Variants in AGXT2 observed in about 807,000 individuals in gnomAD.
The protein encoded by AGXT2 is alanine--glyoxylate aminotransferase 2, mitochondrial.
In AGXT2, 61 loss-of-function variants were observed where a neutral mutation model predicts 62.5. That is an observed-to-expected ratio of 0.98 (90% confidence interval 0.79 to 1.21). AGXT2 has a LOEUF of 1.21. AGXT2 is among the 50% of genes most tolerant of loss of function. The pLI is 0.00. For synonymous variants in AGXT2, 243 were observed against 218.7 expected, an observed-to-expected ratio of 1.11 and a Z score of -0.98; for missense variants, 666 against 641.5, an observed-to-expected ratio of 1.04 and a Z score of -0.41.
chr5:35,025,434 T>A (rs1200720032), intron 9 of AGXT2, among the ~76,000 whole-genome samples: 1 of 152,168 alleles, frequency 6.6e-6, no homozygotes, highest in African/African-American at 2.4e-5. Context: ...AAATTTCCTA[T>A]GATGTTTGTC....
intron 12 of AGXT2, among the ~76,000 whole-genome samples, chr5:35,005,758 C>T (rs891699023): frequency 5.3e-5 from 8 of 152,104 alleles, no homozygotes; most frequent in African/African-American, 1.9e-4. Flanking sequence ...TGTGCCCCAA[C>T]TGCTTGATAA....
intron 7 of AGXT2, chr5:35,027,053 G>A (rs758900666): frequency 4.9e-5 from 48 of 975,732 alleles, no homozygotes; most frequent in South Asian, 1.4e-4. Flanking sequence ...TCCATCCATC[G>A]CAGCCCTTGG....
At chr5:35,008,548 C>A (rs1766514208) in intron 12 of AGXT2, among the ~76,000 whole-genome samples, 1 of 152,186 alleles carries the variant, frequency 6.6e-6, no homozygotes, top group Admixed American at 6.5e-5. Flanking sequence ...TACGTTATGA[C>A]TTGTGAGCTC....
intron 12 of AGXT2, 78 bp downstream of exon 12, chr5:35,009,922 T>C: frequency 4.4e-6 from 7 of 1,587,670 alleles, no homozygotes; most frequent in Non-Finnish European, 6.0e-6. Flanking sequence ...TGAGAGTAAA[T>C]GAAGTTTAGC....
At chr5:35,012,837 CTA>C in intron 11 of AGXT2, 115 bp downstream of exon 11, 2 of 968,364 alleles carry the variant, frequency 2.1e-6, no homozygotes, top group Non-Finnish European at 1.6e-6. Flanking sequence ...AATGGATAAA[CTA>C]TGAATTAACT....
In AGXT2 at chr5:35,009,963, C is replaced by T; in HGVS notation, c.1338+37G>A. ...TTTCCTCCTATATCTCCTGCTGGCT[C>T]CAAGCAGCTGAGAGAGAGGGGCAGA... On this transcript the variant is annotated intron_variant, in intron 12 of 13. Coordinates refer to ENST00000231420, the MANE Select transcript of AGXT2 (RefSeq NM_031900.4). 3 of 1,613,798 alleles carry T rather than the reference C, an allele frequency of 1.9e-6. No individual in the cohort carries two copies. The East Asian group carries it at 6.7e-5, about 36-fold the overall frequency.
In AGXT2 at chr5:34,998,899, C is replaced by T. The variant is rs116567467; in HGVS notation, c.1438-73G>A. The T allele has an allele frequency of 3.7e-3, 4,260 of 1,154,160 alleles. 19 individuals carry two copies. Among genetic ancestry groups the T allele is most frequent in the Middle Eastern group, 8.0e-3 (41 of 5,120 alleles). The allele number at this position is 1,154,160 out of a possible 1,614,324, so 71.5% of individuals were successfully genotyped here. On this transcript the variant is annotated intron_variant, in intron 13 of 13. Transcript: ENST00000231420. ...TATGACTTTGAGGAAATGCACTAAA[C>T]TAAAAATCCAAAACCTTGTGTTTAG... is the stretch of plus-strand genomic sequence containing the variant.
rs573561651 is a variant in AGXT2 at position 35,015,719 on chromosome 5, G to A, written c.964-1600C>T. Among the ~76,000 whole-genome samples, 8 of 151,338 alleles carry A rather than the reference G, an allele frequency of 5.3e-5. No homozygotes were observed. The East Asian group carries it at 7.8e-4, about 15-fold the overall frequency. The stretch of plus-strand genomic sequence containing the variant: ...ACAAAAATTGTCTGAGTGTGGTGGC[G>A]GGAGCCTGTAGTCCCAGCTACCTGG... On this transcript the variant is annotated intron_variant, in intron 9 of 13. Coordinates refer to ENST00000231420, the MANE Select transcript of AGXT2 (RefSeq NM_031900.4).
At chr5:35,035,124 A>G (rs1365151124) in intron 5 of AGXT2, 98 bp downstream of exon 5, 2 of 1,068,586 alleles carry the variant, frequency 1.9e-6, no homozygotes, top group Non-Finnish European at 1.5e-6. Flanking sequence ...TATCCCTGAG[A>G]AAACCTCTCT....
chr5:35,043,141 C>A (rs1351014533), intron 1 of AGXT2, among the ~76,000 whole-genome samples: 4 of 152,016 alleles, frequency 2.6e-5, no homozygotes, highest in Non-Finnish European at 5.9e-5. Context: ...ATCATAATAT[C>A]GAATGACAAA....
chr5:35,010,132 A>C lies in AGXT2; in HGVS notation c.1206T>G (p.Asn402Lys). 6.2e-7 allele frequency: 1 copy of C among 1,614,114 alleles called. No individual in the cohort carries two copies. The highest frequency in any genetic ancestry group is 8.5e-7 in the Non-Finnish European group (1 of 1,180,024). Residue 402 changes from asparagine (N) to lysine (K), a missense_variant, in exon 12 of 14, where the codon AAT becomes AAG. Coordinates refer to ENST00000231420, the MANE Select transcript of AGXT2 (RefSeq NM_031900.4). ...SAVLEVIKEE[N>K]LQENSQEVGT... ...CAACTTCTTGACTGTTTTCCTGTAG[A>C]TTTTCTTCTTTAATCACCTGTTAAG...
chr5:35,037,034 C>T lies in AGXT2; in HGVS notation c.394G>A (p.Gly132Ser), dbSNP rs16870794. 25 of 1,613,998 alleles carry T rather than the reference C, an allele frequency of 1.5e-5. No individual in the cohort carries two copies. Among genetic ancestry groups the T allele is most frequent in the African/African-American group, 1.2e-4 (9 of 74,920 alleles). Residue 132 changes from glycine to serine, a missense_variant, in exon 4 of 14, where the codon GGC becomes AGC. Transcript: ENST00000231420. The stretch of plus-strand genomic sequence containing the variant: ...ACGGTGCTTGTATGCCACAGGCGGC[C>T]GAGCTGCTTTTGTGCCACTGCATTC... ...KVNAVAQKQL[G>S]RLWHTSTVFF...
At chr5:35,047,783 C>T (rs201295865) in intron 1 of AGXT2, 22 bp downstream of exon 1, 75 of 1,613,480 alleles carry the variant, frequency 4.6e-5, no homozygotes, top group African/African-American at 3.2e-4. Context: ...TACTGACCCA[C>T]GTCCCCCTGG....
rs1277286362 is a variant in AGXT2 at position 34,998,394 on chromosome 5, C to T, written c.*325G>A. ...GCACCTCCACCAAAAGATTTTTCTT[C>T]AAGATTCACTGGACAAAAATACATC... On this transcript the variant is annotated 3_prime_UTR_variant, in exon 14 of 14. Coordinates refer to ENST00000231420, the MANE Select transcript of AGXT2 (RefSeq NM_031900.4). 6.1e-6 allele frequency: 2 copies of T among 327,616 alleles called. No homozygotes were observed. The highest frequency in any genetic ancestry group is 1.4e-4 in the East Asian group (2 of 14,598). The allele number at this position is 327,616 out of a possible 1,614,324, so 20.3% of individuals were successfully genotyped here.
At chr5:35,036,719 C>T (rs186279660) in intron 4 of AGXT2, among the ~76,000 whole-genome samples, 14 of 152,292 alleles carry the variant, frequency 9.2e-5, no homozygotes, top group African/African-American at 2.6e-4. Context: ...TGGTTTGTTT[C>T]GCCAGCAATT....
chr5:35,011,097 G>GGACCTTTTTTT (rs1766622811), intron 11 of AGXT2, among the ~76,000 whole-genome samples: 1 of 152,192 alleles, frequency 6.6e-6, no homozygotes, highest in Admixed American at 6.5e-5. Context: ...GGCAAACCTT[G>GGACCTTTTTTT]TTATTTTTAT....
chr5:35,024,773 A>G lies in AGXT2; in HGVS notation c.963+990T>C, dbSNP rs370157871. Among the ~76,000 whole-genome samples, 52 of 152,244 alleles carry G rather than the reference A, an allele frequency of 3.4e-4. No individual in the cohort carries two copies. In the South Asian group the frequency reaches 0.011, roughly 31 times the overall value. On this transcript the variant is annotated intron_variant, in intron 9 of 13. Transcript: ENST00000231420. ...CACCTGAGGTCAGGAGTTCGAGACC[A>G]GCCTGACCAACACGGAGAAACCCCA...
At chr5:35,012,874 T>TA (rs1766697029) in intron 11 of AGXT2, 80 bp downstream of exon 11, 2 of 1,231,580 alleles carry the variant, frequency 1.6e-6, no homozygotes, top group African/African-American at 1.5e-5. Flanking sequence ...CTCAGCATGA[T>TA]AGAGTTCTGC....
intron 13 of AGXT2, 40 bp downstream of exon 13, chr5:35,003,723 C>T: frequency 6.5e-7 from 1 of 1,538,160 alleles, no homozygotes; most frequent in Non-Finnish European, 9.0e-7. Context: ...CAGAGAGACT[C>T]CTACCTAGAG....
Sources: gnomAD v4.1 joint callset for allele counts (sites outside exome capture counted in the v4.1 genomes callset) on GRCh38, gnomAD v4.1.1 for gene constraint, MANE v1.5 for transcripts, NCBI Gene and HGNC (gene_info 2026-07-23, HGNC 2026-07-21) for gene names.